Variants in CACHD1 observed in about 807,000 individuals in gnomAD.
The protein encoded by CACHD1 is cache domain containing 1, also known as VWFA and cache domain-containing protein 1.
Under a neutral mutation model 138.7 loss-of-function variants are expected in CACHD1, and 71 were observed. That is an observed-to-expected ratio of 0.51 (90% confidence interval 0.42 to 0.62). The LOEUF is 0.62. CACHD1 is among the 20% of genes least tolerant of loss of function. CACHD1 has a pLI of 0.00. For synonymous variants in CACHD1, 578 were observed against 591.5 expected, an observed-to-expected ratio of 0.98 and a Z score of 0.33; for missense variants, 1,389 against 1,625.3, an observed-to-expected ratio of 0.85 and a Z score of 2.50.
At chr1:64,657,511 G>A (rs183805392) in intron 12 of CACHD1, among the ~76,000 whole-genome samples, 4 of 152,252 alleles carry the variant, frequency 2.6e-5, no homozygotes, top group East Asian at 3.9e-4. Context: ...AGATTGAAAA[G>A]AGAGAAAATA....
intron 2 of CACHD1, among the ~76,000 whole-genome samples, chr1:64,570,052 AAAAAT>A (rs1330819547): frequency 6.6e-5 from 10 of 152,192 alleles, no homozygotes; most frequent in Admixed American, 6.5e-4. Context: ...GCACCCACTG[AAAAAT>A]AAAATAACCT....
chr1:64,483,877 T>TCCC (rs1646226187), intron 1 of CACHD1, among the ~76,000 whole-genome samples: 1 of 99,342 alleles, frequency 1.0e-5, no homozygotes, highest in African/African-American at 3.7e-5. Flanking sequence ...CCCCCCCCCT[T>TCCC]GCATATAACT....
At chr1:64,530,298 C>A (rs1417103888) in intron 1 of CACHD1, among the ~76,000 whole-genome samples, 1 of 152,150 alleles carries the variant, frequency 6.6e-6, no homozygotes, top group Admixed American at 6.5e-5. Flanking sequence ...TTCCCATCTT[C>A]TCCCTAGAGA....
At position 64,678,069 on chromosome 1, in the gene CACHD1, A is replaced by G. The variant is rs566634500; in HGVS notation, c.3093-90A>G. ...AATTCACAGCACTAGTAAGTAATGG[A>G]GATCCTGAGAACTGTCTGATGCCCA... On this transcript the variant is annotated intron_variant, in intron 22 of 26. Transcript: ENST00000651257. The G allele has an allele frequency of 4.5e-5, 60 of 1,332,320 alleles. No homozygotes were observed. The African/African-American group carries it at 7.8e-4, about 17-fold the overall frequency. 82.5% of individuals were successfully genotyped at this position (1,332,320 alleles called of 1,614,324 possible).
intron 3 of CACHD1, among the ~76,000 whole-genome samples, chr1:64,593,774 A>T (rs779170674): frequency 1.3e-5 from 2 of 152,218 alleles, no homozygotes; most frequent in Non-Finnish European, 2.9e-5. Flanking sequence ...AATTTAACAA[A>T]GATATTACAG....
At chr1:64,575,533 G>C (rs1646960201) in intron 2 of CACHD1, among the ~76,000 whole-genome samples, 1 of 152,160 alleles carries the variant, frequency 6.6e-6, no homozygotes, top group South Asian at 2.1e-4. Context: ...TTCTTTAGTG[G>C]TAAGGCTAGA....
chr1:64,550,546 A>G, intron 1 of CACHD1, 48 bp from the exon 2 acceptor site: 1 of 1,377,848 alleles, frequency 7.3e-7, no homozygotes, highest in Non-Finnish European at 1.0e-6. Context: ...ACTCATGTAG[A>G]AAATGACTTA....
intron 1 of CACHD1, among the ~76,000 whole-genome samples, chr1:64,479,034 G>C (rs1236502119): frequency 6.6e-6 from 1 of 152,126 alleles, no homozygotes; most frequent in Non-Finnish European, 1.5e-5. Flanking sequence ...TCTGCAGGCT[G>C]GATAGGGCCA....
chr1:64,590,851 G>C (rs544889600), intron 3 of CACHD1, among the ~76,000 whole-genome samples: 55 of 152,182 alleles, frequency 3.6e-4, no homozygotes, highest in Non-Finnish European at 6.5e-4. Context: ...GTAGTACAAA[G>C]AGTGGATGGG....
intron 13 of CACHD1, among the ~76,000 whole-genome samples, chr1:64,661,927 G>A (rs7550151): frequency 5.9e-5 from 9 of 152,124 alleles, no homozygotes; most frequent in African/African-American, 9.7e-5. Flanking sequence ...GGATTGAAAC[G>A]TAATCCTGGA....
intron 9 of CACHD1, among the ~76,000 whole-genome samples, chr1:64,651,275 A>G (rs1210836866): frequency 6.6e-6 from 1 of 152,156 alleles, no homozygotes; most frequent in Non-Finnish European, 1.5e-5. Flanking sequence ...AATGACTGGA[A>G]ATACATTCCT....
chr1:64,599,698 T>C (rs763951556), intron 3 of CACHD1, among the ~76,000 whole-genome samples: 13 of 152,344 alleles, frequency 8.5e-5, no homozygotes, highest in Non-Finnish European at 1.3e-4. Flanking sequence ...TTTTCTTTAA[T>C]GCTGTTAGAG....
At chr1:64,663,649 T>C (rs1649524982) in intron 13 of CACHD1, 46 bp from the exon 14 acceptor site, 3 of 1,612,020 alleles carry the variant, frequency 1.9e-6, no homozygotes, top group South Asian at 2.2e-5. Flanking sequence ...TGGGATGAGA[T>C]AGAGTCTCCG....
intron 1 of CACHD1, among the ~76,000 whole-genome samples, chr1:64,479,279 A>T (rs1646195342): frequency 6.6e-6 from 1 of 152,214 alleles, no homozygotes; most frequent in African/African-American, 2.4e-5. Flanking sequence ...TGAGATACCT[A>T]CCCATCAGTT....
chr1:64,539,505 T>C (rs147658816), intron 1 of CACHD1, among the ~76,000 whole-genome samples: 2 of 152,314 alleles, frequency 1.3e-5, no homozygotes, highest in East Asian at 3.9e-4. Context: ...CTTTGTATCA[T>C]AATTATTGGC....
At chr1:64,475,171 C>CTTTTTTTTTTTT (rs3078373) in intron 1 of CACHD1, among the ~76,000 whole-genome samples, 5 of 124,286 alleles carry the variant, frequency 4.0e-5, no homozygotes, top group Non-Finnish European at 4.8e-5. Context: ...AAATTCCTTC[C>CTTTTTTTTTTTT]TTTTTTTTTT....
intron 1 of CACHD1, among the ~76,000 whole-genome samples, chr1:64,475,171 C>CTTTTTT (rs3078373): frequency 1.2e-4 from 15 of 124,278 alleles, no homozygotes; most frequent in South Asian, 2.7e-4. Flanking sequence ...AAATTCCTTC[C>CTTTTTT]TTTTTTTTTT....
At chr1:64,615,216 C>G (rs934451179) in intron 4 of CACHD1, among the ~76,000 whole-genome samples, 4 of 152,200 alleles carry the variant, frequency 2.6e-5, no homozygotes, top group African/African-American at 4.8e-5. Flanking sequence ...CCTCACCCTT[C>G]TAGATAAGAA....
intron 1 of CACHD1, among the ~76,000 whole-genome samples, chr1:64,514,772 T>A (rs192066930): frequency 1.4e-3 from 210 of 152,366 alleles, no homozygotes; most frequent in African/African-American, 4.9e-3. Flanking sequence ...TCAAATGCCT[T>A]GGTGAAAATA....
Sources: gnomAD v4.1 joint callset for allele counts (sites outside exome capture counted in the v4.1 genomes callset) on GRCh38, gnomAD v4.1.1 for gene constraint, MANE v1.5 for transcripts, NCBI Gene and HGNC (gene_info 2026-07-23, HGNC 2026-07-21) for gene names.